EWSR1: variants seen among roughly 807,000 people sequenced by gnomAD.
EWSR1 encodes RNA-binding protein EWS.
Under a neutral mutation model 92.1 loss-of-function variants are expected in EWSR1, and 14 were observed. That is an observed-to-expected ratio of 0.15 (90% confidence interval 0.10 to 0.24). The LOEUF is 0.24. Ranked by LOEUF, EWSR1 falls within the 10% of genes least tolerant of loss-of-function variation. EWSR1 has a pLI of 1.00. For missense variants in EWSR1, 637 were observed against 870.9 expected (o/e 0.73, Z 3.38); for synonymous variants, 303 against 292.9 (o/e 1.03, Z -0.35).
In EWSR1 at chr22:29,300,155, C is replaced by T; in HGVS notation, c.1965C>T (p.Pro655=). 4 of 1,587,308 alleles carry T rather than the reference C, an allele frequency of 2.5e-6. No individual in the cohort carries two copies. The highest frequency in any genetic ancestry group is 3.4e-6 in the Non-Finnish European group (4 of 1,170,236). ...GEHRQERRDR[P]Y ...ACCGTCAGGAGCGCAGAGATCGGCC[C>T]TACTAGATGCAGAGACCCCGCAGAG... is the stretch of plus-strand genomic sequence containing the variant. Residue 655 remains proline (P), a synonymous_variant, in exon 17 of 17, where the codon CCC becomes CCT. Coordinates refer to ENST00000397938, the MANE Select transcript of EWSR1 (RefSeq NM_005243.4).
At chr22:29,276,936 G>T (rs1157538061) in intron 4 of EWSR1, 7 of 231,470 alleles carry the variant, frequency 3.0e-5, no homozygotes, top group African/African-American at 1.5e-4. Context: ...ACTTTTTATT[G>T]CATGGCTTAA....
At position 29,292,515 on chromosome 22, in the gene EWSR1, C is replaced by A; in HGVS notation, c.1073C>A (p.Ser358Tyr). The A allele has an allele frequency of 1.9e-6, 3 of 1,613,570 alleles. No individual in the cohort carries two copies. The change falls in exon 11 of 17, where the codon TCT (serine) becomes TAT (tyrosine). Residue 358 changes from serine to tyrosine, a missense_variant. By Grantham distance (144) the Ser-to-Tyr change is moderately radical. This residue lies in a region of EWSR1 where 363 missense variants were observed against 447.8 expected (regional missense o/e 0.81). Coordinates refer to ENST00000397938, the MANE Select transcript of EWSR1 (RefSeq NM_005243.4). ...LGPPVDPDED[S>Y]DNSAIYVQGL... is the part of the protein sequence containing the mutation. Reference sequence around the variant, plus strand: ...CCACCTGTAGATCCAGATGAAGACTCTGACAACAGTGCAATTTATGTACAA... The same window carrying A: ...CCACCTGTAGATCCAGATGAAGACTATGACAACAGTGCAATTTATGTACAA...
chr22:29,288,985 A>G (rs970033104), intron 8 of EWSR1, 199 bp downstream of exon 8: 1 of 545,278 alleles, frequency 1.8e-6, no homozygotes, highest in African/African-American at 1.9e-5. Flanking sequence ...TTTCCCTGCC[A>G]GTATACTTCG....
chr22:29,297,382 T>C (rs778382134), intron 12 of EWSR1, among the ~76,000 whole-genome samples: 7 of 152,200 alleles, frequency 4.6e-5, no homozygotes, highest in South Asian at 2.1e-4. Context: ...GGAAGGTTTT[T>C]AAGTGTATTT....
chr22:29,292,445 T>C, intron 10 of EWSR1, 43 bp from the exon 11 acceptor site: 1 of 1,336,302 alleles, frequency 7.5e-7, no homozygotes, highest in Non-Finnish European at 1.1e-6. Flanking sequence ...GAAACCCCTA[T>C]AGATACATGA....
chr22:29,276,094 G>A (rs1164039295), intron 4 of EWSR1: 1 of 231,662 alleles, frequency 4.3e-6, no homozygotes, highest in Non-Finnish European at 8.5e-6. Flanking sequence ...TTGCTGCATA[G>A]TTTTATGACA....
rs1431603176 is a variant in EWSR1 at position 29,278,024 on chromosome 22, TTC to T, written c.227-4_227-3del. 6.2e-7 allele frequency: 1 copy of T among 1,612,328 alleles called. No homozygotes were observed. Among genetic ancestry groups the T allele is most frequent in the Non-Finnish European group, 8.5e-7 (1 of 1,178,804 alleles). On this transcript the variant is annotated splice_region_variant and splice_polypyrimidine_tract_variant and intron_variant, in intron 4 of 16. Transcript: ENST00000397938. ...TGAAATCTGATGCAGCTCTCCTTTG[TTC>T]TAGGTTATACTACTCCAACTGCCCC...
chr22:29,273,779 C>T lies in EWSR1; in HGVS notation c.141C>T (p.Pro47=), dbSNP rs1310975521. 8 of 1,613,786 alleles carry T rather than the reference C, an allele frequency of 5.0e-6. No individual in the cohort carries two copies. Among genetic ancestry groups the T allele is most frequent in the Non-Finnish European group, 5.1e-6 (6 of 1,179,954 alleles). ...GQQSYGTYGQ[P]TDVSYTQAQT... Reference sequence around the variant, plus strand: ...AAAGCTATGGAACCTATGGACAGCCCACTGATGTCAGCTATACCCAGGCTC... The same window carrying T: ...AAAGCTATGGAACCTATGGACAGCCTACTGATGTCAGCTATACCCAGGCTC... The change falls in exon 4 of 17, where the codon CCC becomes CCT. Residue 47 remains proline (P), a synonymous_variant. Transcript: ENST00000397938.
At chr22:29,270,324 C>G (rs1338478091) in intron 1 of EWSR1, among the ~76,000 whole-genome samples, 1 of 152,192 alleles carries the variant, frequency 6.6e-6, no homozygotes, top group Admixed American at 6.5e-5. Context: ...GAACCCCCAG[C>G]GCTCAATCAC....
chr22:29,299,940 C>A, intron 16 of EWSR1, 89 bp downstream of exon 16: 1 of 1,543,894 alleles, frequency 6.5e-7, no homozygotes, highest in East Asian at 2.3e-5. Context: ...CCTCATGTCT[C>A]TAGGAAGCTT....
chr22:29,298,749 A>T lies in EWSR1; in HGVS notation c.1434A>T (p.Gly478=). 1 of 1,613,646 alleles carries T rather than the reference A, an allele frequency of 6.2e-7. No individual in the cohort carries two copies. The highest frequency in any genetic ancestry group is 8.5e-7 in the Non-Finnish European group (1 of 1,179,960). The change falls in exon 14 of 17, where the codon GGA becomes GGT. Residue 478 remains glycine, a synonymous_variant. Transcript: ENST00000397938. ...TTGTTGTAGGTCCAGGAGGCCCAGGAGGTCCTGGGGGACCCATGGGTCGCA... is the reference window on the plus strand; with the variant it reads ...TTGTTGTAGGTCCAGGAGGCCCAGGTGGTCCTGGGGGACCCATGGGTCGCA... The part of the protein sequence containing the change: ...PPLRGGPGGP[G]GPGGPMGRMG...
At chr22:29,295,696 G>C (rs1200305358) in intron 11 of EWSR1, 1 of 223,082 alleles carries the variant, frequency 4.5e-6, no homozygotes, top group Admixed American at 5.7e-5. Flanking sequence ...TACACGTGAA[G>C]ATATTCTTAT....
At chr22:29,268,868 C>G (rs774450695) in intron 1 of EWSR1, among the ~76,000 whole-genome samples, 1 of 152,220 alleles carries the variant, frequency 6.6e-6, no homozygotes, top group African/African-American at 2.4e-5. Context: ...TGAGCGGGAG[C>G]CCCGTCATCC....
chr22:29,270,375 G>A (rs1234438447), intron 1 of EWSR1, among the ~76,000 whole-genome samples: 1 of 152,138 alleles, frequency 6.6e-6, no homozygotes, highest in East Asian at 1.9e-4. Context: ...TCACTTTTGG[G>A]GGTTAAAAAC....
chr22:29,292,100 A>T, intron 9 of EWSR1, 37 bp from the exon 10 acceptor site: 1 of 1,597,228 alleles, frequency 6.3e-7, no homozygotes, highest in East Asian at 2.2e-5. Context: ...CAAGACGTGC[A>T]CTAATAATAT....
chr22:29,288,817 A>G (rs1555910273), intron 8 of EWSR1, 31 bp downstream of exon 8: 1 of 1,524,896 alleles, frequency 6.6e-7, no homozygotes, highest in Non-Finnish European at 8.8e-7. Flanking sequence ...CTTTTACCTA[A>G]TTTTGTTTCA....
chr22:29,275,860 T>C, intron 4 of EWSR1: 1 of 232,286 alleles, frequency 4.3e-6, no homozygotes, highest in Non-Finnish European at 8.5e-6. Context: ...TTACCACCTT[T>C]TTCCTTCAAG....
At chr22:29,290,180 AG>A (rs1333027501) in intron 8 of EWSR1, 4 of 409,958 alleles carry the variant, frequency 9.8e-6, no homozygotes, top group Non-Finnish European at 1.8e-5. Flanking sequence ...CTTTCCCCAT[AG>A]GTTTTTCAAC....
At chr22:29,283,426 G>A (rs1022611800) in intron 6 of EWSR1, among the ~76,000 whole-genome samples, 9 of 151,838 alleles carry the variant, frequency 5.9e-5, no homozygotes, top group African/African-American at 1.9e-4. Context: ...CACGATCTCC[G>A]CTCACTGCAA....
Sources: allele counts gnomAD v4.1 joint callset (sites outside exome capture counted in the v4.1 genomes callset), GRCh38; gene constraint gnomAD v4.1.1; regional missense constraint gnomAD v4.1.1; transcripts MANE v1.5; gene names NCBI Gene and HGNC (gene_info 2026-07-23, HGNC 2026-07-21).